SMPD4: variants seen among roughly 807,000 people sequenced by gnomAD.
SMPD4 encodes neutral sphingomyelinase 3.
Under a neutral mutation model 97.8 loss-of-function variants are expected in SMPD4, and 58 were observed. The ratio of observed to expected loss-of-function variants is 0.59; its 90% confidence interval spans 0.48 to 0.74. The LOEUF (loss-of-function observed/expected upper bound fraction) is 0.74. Among genes scored for constraint, SMPD4 ranks in the 30% least tolerant of loss-of-function variants. The pLI is 0.00. For synonymous variants in SMPD4, 388 were observed against 450.0 expected, an observed-to-expected ratio of 0.86 and a Z score of 1.74; for missense variants, 853 against 1,080.5, an observed-to-expected ratio of 0.79 and a Z score of 2.95.
chr2:130,154,496 G>T lies in SMPD4; in HGVS notation c.1454-14C>A. 1 of 1,551,820 alleles carries T rather than the reference G, an allele frequency of 6.4e-7. No individual in the cohort carries two copies. The highest frequency in any genetic ancestry group is 8.7e-7 in the Non-Finnish European group (1 of 1,147,252). On this transcript the variant is annotated splice_polypyrimidine_tract_variant and intron_variant, in intron 15 of 19. Coordinates refer to ENST00000680298, the MANE Select transcript of SMPD4 (RefSeq NM_017951.5). ...ATAGCTGCTCACCTAGAAGGCAGGA[G>T]ACGAACCTGGCACCCACTTCCCGGA...
intron 18 of SMPD4, 35 bp downstream of exon 18, chr2:130,153,284 C>G: frequency 6.2e-7 from 1 of 1,613,354 alleles, no homozygotes; most frequent in Non-Finnish European, 8.5e-7. Context: ...GGGTCAGGGC[C>G]CAGCCTGTGC....
intron 9 of SMPD4, among the ~76,000 whole-genome samples, chr2:130,165,205 G>A (rs1488940783): frequency 2.0e-5 from 3 of 150,712 alleles, no homozygotes; most frequent in Non-Finnish European, 4.4e-5. Flanking sequence ...TGGATCACCT[G>A]AGGTCAGGAG....
intron 1 of SMPD4, among the ~76,000 whole-genome samples, chr2:130,179,969 CCTTT>C (rs1231909695): frequency 8.6e-6 from 1 of 116,002 alleles, no homozygotes; most frequent in African/African-American, 3.0e-5. Flanking sequence ...TCTTTTTTCT[CCTTT>C]TTTTTTTTTT....
chr2:130,152,678 G>T lies in SMPD4; in HGVS notation c.2361C>A (p.Phe787Leu). 6.4e-7 allele frequency: 1 copy of T among 1,570,862 alleles called. No individual in the cohort carries two copies. The highest frequency in any genetic ancestry group is 1.2e-5 in the South Asian group (1 of 86,078). ...YRTLVSLLLA[F>L]FVASLFCVGP... ...CGACGCAGAACAGAGAGGCCACGAAGAAGGCCAGCAGCAGCGAGACCAGCG... is the reference window on the plus strand; with the variant it reads ...CGACGCAGAACAGAGAGGCCACGAATAAGGCCAGCAGCAGCGAGACCAGCG... Residue 787 changes from phenylalanine to leucine, a missense_variant, in exon 20 of 20, where the codon TTC (phenylalanine) becomes TTA (leucine). By Grantham distance (22) the Phe-to-Leu change is conservative. Coordinates refer to ENST00000680298, the MANE Select transcript of SMPD4 (RefSeq NM_017951.5).
chr2:130,180,121 G>A (rs549943875), intron 1 of SMPD4, among the ~76,000 whole-genome samples: 2 of 150,046 alleles, frequency 1.3e-5, no homozygotes, highest in African/African-American at 2.5e-5. Flanking sequence ...CCGCCACCAC[G>A]CCCGGCTAAT....
At position 130,170,095 on chromosome 2, in the gene SMPD4, G is replaced by A. The variant is rs186639866; in HGVS notation, c.659+2254C>T. ...GTAGTGATGCATGCCTATAGTCACT[G>A]ATGTGACAGGCTGGCTTGAGTGATG... is the stretch of plus-strand genomic sequence containing the variant. On this transcript the variant is annotated intron_variant, in intron 8 of 19. Transcript: ENST00000680298. Among the ~76,000 whole-genome samples, 41 of 152,152 alleles carry A rather than the reference G, an allele frequency of 2.7e-4. No individual in the cohort carries two copies. In the Middle Eastern group the frequency reaches 0.01, roughly 38 times the overall value.
intron 9 of SMPD4, among the ~76,000 whole-genome samples, chr2:130,166,360 C>CT (rs1687928871): frequency 6.7e-6 from 1 of 150,308 alleles, no homozygotes; most frequent in East Asian, 1.9e-4. Flanking sequence ...AACAGCAGAA[C>CT]CTTCCAGTTC....
At chr2:130,164,310 GA>G in intron 10 of SMPD4, 63 bp downstream of exon 10, 5 of 1,409,082 alleles carry the variant, frequency 3.5e-6, no homozygotes, top group Non-Finnish European at 5.0e-6. Flanking sequence ...TCAGAGGCAG[GA>G]TAAGAAGCAG....
In SMPD4 at chr2:130,152,632, G is replaced by A. The variant is rs749086510; in HGVS notation, c.2407C>T (p.Leu803=). The part of the protein sequence containing the change: ...FCVGPLPCTL[L]LTLGYVLYAS... Reference sequence around the variant, plus strand: ...TAGAGGACATAGCCCAGGGTGAGCAGCAGCGTGCATGGGAGGGGCCCGACG... The same window carrying A: ...TAGAGGACATAGCCCAGGGTGAGCAACAGCGTGCATGGGAGGGGCCCGACG... The change falls in exon 20 of 20, where the codon CTG becomes TTG. Residue 803 remains leucine, a synonymous_variant. Transcript: ENST00000680298. 36 of 1,557,824 alleles carry A rather than the reference G, an allele frequency of 2.3e-5. No homozygotes were observed. The highest frequency in any genetic ancestry group is 3.0e-5 in the Non-Finnish European group (35 of 1,151,606).
At chr2:130,181,290 A>C (rs906101069) in intron 1 of SMPD4, 1 of 1,398,352 alleles carries the variant, frequency 7.2e-7, no homozygotes, top group African/African-American at 1.5e-5. Context: ...TTCAGCGAAC[A>C]CCTACCGGAC....
At chr2:130,170,028 A>G (rs544345591) in intron 8 of SMPD4, among the ~76,000 whole-genome samples, 10 of 150,490 alleles carry the variant, frequency 6.6e-5, no homozygotes, top group East Asian at 3.9e-4. Flanking sequence ...AGGCATCCCC[A>G]TATCTCCGCA....
intron 1 of SMPD4, among the ~76,000 whole-genome samples, chr2:130,178,277 T>A (rs1168251730): frequency 6.6e-6 from 1 of 152,180 alleles, no homozygotes; most frequent in East Asian, 1.9e-4. Flanking sequence ...GGTACAGATG[T>A]ACTATGACTG....
rs575547332 is a variant in SMPD4, at chr2:130,173,347, T to G, written c.277A>C (p.Met93Leu). The G allele has an allele frequency of 6.2e-7, 1 of 1,612,842 alleles. No homozygotes were observed. Among genetic ancestry groups the G allele is most frequent in the Admixed American group, 1.7e-5 (1 of 59,686 alleles). The change falls in exon 5 of 20, where the codon ATG becomes CTG. Residue 93 changes from methionine to leucine, a missense_variant. Physicochemically the swap from Met to Leu is conservative, Grantham distance 15 (BLOSUM62 2). Around this residue, in one of 3 missense-constraint regions of SMPD4, gnomAD observed 313 missense variants for 402.2 expected, o/e 0.78. Coordinates refer to ENST00000680298, the MANE Select transcript of SMPD4 (RefSeq NM_017951.5). The part of the protein sequence containing the change: ...VMEFLDPGGP[M>L]MKLVYKLQAE... ...TGAAGCTTATAAACCAACTTCATCA[T>G]TGGGCCACTGAACACGAAATTGAAC... is the stretch of plus-strand genomic sequence containing the variant.
intron 5 of SMPD4, among the ~76,000 whole-genome samples, 153 bp downstream of exon 5, chr2:130,173,126 G>C (rs990305471): frequency 1.3e-5 from 2 of 152,150 alleles, no homozygotes; most frequent in Non-Finnish European, 2.9e-5. Flanking sequence ...AAGGGTAGCA[G>C]TCATGCAATA....
Position 130,156,238 on chromosome 2 carries a change from C to T in SMPD4, c.1189-103G>A, listed in dbSNP as rs544041734. The T allele has an allele frequency of 7.6e-5, 76 of 993,958 alleles. No homozygotes were observed. In the African/African-American group the frequency reaches 1.1e-3, roughly 14 times the overall value. 61.6% of individuals were successfully genotyped at this position (993,958 alleles called of 1,614,324 possible). A position where few individuals can be genotyped will look rare whatever the true frequency, so the allele number is the denominator to read the frequency against. ...GCAGCTGGGTGGGACTGACTCTTCT[C>T]ACTTCCTCCAGAGGGCGCAGGAGAG... On this transcript the variant is annotated intron_variant, in intron 13 of 19. Coordinates refer to ENST00000680298, the MANE Select transcript of SMPD4 (RefSeq NM_017951.5).
chr2:130,167,306 A>C, intron 9 of SMPD4, 152 bp downstream of exon 9: 1 of 987,566 alleles, frequency 1.0e-6, no homozygotes, highest in Non-Finnish European at 1.5e-6. Flanking sequence ...TTTTTAGTAG[A>C]GACGTGGTTT....
chr2:130,168,769 T>G (rs1351864078), intron 8 of SMPD4, among the ~76,000 whole-genome samples: 1 of 151,462 alleles, frequency 6.6e-6, no homozygotes, highest in South Asian at 2.1e-4. Flanking sequence ...TAGCCCAGGC[T>G]GGAGTACAGG....
At position 130,173,303 on chromosome 2, in the gene SMPD4, G is replaced by A. The variant is rs779021938; in HGVS notation, c.321C>T (p.Phe107=). ...VYKLQAEDYK[F]DFPVSYLPGP... ...CAGGCAAGTAGGAGACAGGAAAGTC[G>A]AACTTATAGTCTTCAGCTTGAAGCT... Residue 107 remains phenylalanine (F), a synonymous_variant, in exon 5 of 20, where the codon TTC becomes TTT. Transcript: ENST00000680298. 17 of 1,613,490 alleles carry A rather than the reference G, an allele frequency of 1.1e-5. No homozygotes were observed. Among genetic ancestry groups the A allele is most frequent in the South Asian group, 4.4e-5 (4 of 90,998 alleles).
At chr2:130,168,334 G>GT (rs760052197) in intron 8 of SMPD4, among the ~76,000 whole-genome samples, 6 of 152,132 alleles carry the variant, frequency 3.9e-5, no homozygotes, top group Non-Finnish European at 7.4e-5. Flanking sequence ...TGAGACAGGA[G>GT]GATCACTTGA....
Sources: gnomAD v4.1 joint callset for allele counts (sites outside exome capture counted in the v4.1 genomes callset) on GRCh38, gnomAD v4.1.1 for gene constraint, gnomAD v4.1.1 regional missense constraint, MANE v1.5 for transcripts, NCBI Gene and HGNC (gene_info 2026-07-23, HGNC 2026-07-21) for gene names.